The following MIB1 variants were observed in gnomAD, a reference collection of about 807,000 sequenced individuals.
MIB1 encodes the protein E3 ubiquitin-protein ligase MIB1.
A neutral mutation model predicts 124.5 loss-of-function variants in MIB1; 278 were observed. The ratio of observed to expected loss-of-function variants is 2.23; its 90% CI spans 2.02 to 2.47. The LOEUF (loss-of-function observed/expected upper bound fraction) is 2.47, where lower values mean the gene tolerates loss of function less well. Among genes scored for constraint, MIB1 ranks in the 30% most tolerant of loss-of-function variants. MIB1 has a pLI of 0.00. For synonymous variants in MIB1, 446 were observed against 429.4 expected, an observed-to-expected ratio of 1.04 and a Z score of -0.48; for missense variants, 957 against 1,254.4, an observed-to-expected ratio of 0.76 and a Z score of 3.58.
rs772123176 is a variant in MIB1 at position 21,843,134 on chromosome 18, A to G, written c.1966A>G (p.Asn656Asp). The change falls in exon 14 of 21, where the codon AAT (asparagine) becomes GAT (aspartate). Residue 656 changes from asparagine to aspartate, a missense_variant. By Grantham distance (23) the Asn-to-Asp change is conservative (BLOSUM62 1). Coordinates refer to ENST00000261537, the MANE Select transcript of MIB1 (RefSeq NM_020774.4). ...AACATTTGTTCTTCTCGTTCAGGGT[A>G]ATGCAAACCTGGATATCCAGAATGT... Reference protein sequence around the residue: ...EVAELLVHQGNANLDIQNVNQ... With the variant: ...EVAELLVHQGDANLDIQNVNQ... The G allele has an allele frequency of 3.7e-6, 6 of 1,601,778 alleles. No homozygotes were observed. In the East Asian group the frequency reaches 1.1e-4, roughly 30 times the overall value.
intron 20 of MIB1, among the ~76,000 whole-genome samples, chr18:21,862,856 T>C (rs2042288221): frequency 6.6e-6 from 1 of 152,230 alleles, no homozygotes; most frequent in South Asian, 2.1e-4. Flanking sequence ...GCACCATGTA[T>C]TGCATGATAC....
chr18:21,767,407 G>A (rs911127607), intron 2 of MIB1, among the ~76,000 whole-genome samples: 5 of 152,000 alleles, frequency 3.3e-5, no homozygotes, highest in South Asian at 2.1e-4. Context: ...GGAGGTAACC[G>A]CCCCCATGAT....
At chr18:21,736,604 A>T (rs2040798007), upstream of MIB1, among the ~76,000 whole-genome samples, 1 of 152,228 alleles carries the variant, frequency 6.6e-6, no homozygotes, top group Admixed American at 6.5e-5. Flanking sequence ...AATGCAAGGA[A>T]GCTAGGAAAC....
At chr18:21,817,402 G>A (rs904220888) in intron 11 of MIB1, among the ~76,000 whole-genome samples, 1 of 152,040 alleles carries the variant, frequency 6.6e-6, no homozygotes, top group Non-Finnish European at 1.5e-5. Flanking sequence ...TGGGATTACC[G>A]GTGTGAGCCA....
At chr18:21,820,250 T>C (rs1000594966) in intron 12 of MIB1, among the ~76,000 whole-genome samples, 3 of 152,234 alleles carry the variant, frequency 2.0e-5, no homozygotes, top group Non-Finnish European at 2.9e-5. Context: ...GAGATTTCCA[T>C]TAACTCACTT....
intron 4 of MIB1, among the ~76,000 whole-genome samples, chr18:21,775,417 T>A (rs1252250464): frequency 6.6e-6 from 1 of 152,054 alleles, no homozygotes; most frequent in Non-Finnish European, 1.5e-5. Flanking sequence ...TATTAAAAAA[T>A]TTTTAGTAGA....
chr18:21,723,964 A>G (rs1213022800), intron 1 of MIB1, among the ~76,000 whole-genome samples: 1 of 152,088 alleles, frequency 6.6e-6, no homozygotes. Context: ...TTGGCCTCCC[A>G]AAGTGCTGGG....
chr18:21,776,404 T>C (rs2041287730), intron 4 of MIB1, among the ~76,000 whole-genome samples: 1 of 152,122 alleles, frequency 6.6e-6, no homozygotes. Flanking sequence ...TGCATGTGCA[T>C]ACCTGCAGGT....
chr18:21,722,393 A>G (rs1204775023), intron 1 of MIB1, among the ~76,000 whole-genome samples: 1 of 130,438 alleles, frequency 7.7e-6, no homozygotes, highest in African/African-American at 2.9e-5. Context: ...TTATTTTGAG[A>G]TGGAGTTTGC....
intron 1 of MIB1, among the ~76,000 whole-genome samples, chr18:21,718,362 C>T (rs1042873907): frequency 1.3e-5 from 2 of 152,156 alleles, no homozygotes; most frequent in African/African-American, 4.8e-5. Context: ...TGTAACCAAA[C>T]ACCACCTGTT....
intron 17 of MIB1, among the ~76,000 whole-genome samples, chr18:21,849,931 G>A (rs749080399): frequency 7.9e-5 from 12 of 152,086 alleles, no homozygotes; most frequent in Non-Finnish European, 1.8e-4. Context: ...CCTGTAAGCT[G>A]GAAGTTAGAT....
rs2042341515 is a variant in MIB1 at position 21,869,478 on chromosome 18, CTTTAGTGCACGTGTATCA to C, written c.*4815_*4832del. On this transcript the variant is annotated 3_prime_UTR_variant, in exon 21 of 21. Transcript: ENST00000261537. ...CTATTAAAACTTTATAAAAGATGGT[CTTTAGTGCACGTGTATCA>C]TTATATACACGTTTTAAAGTCATAT... 1 of 152,330 alleles carries C rather than the reference CTTTAGTGCACGTGTATCA, an allele frequency of 6.6e-6. No homozygotes were observed. Among genetic ancestry groups the C allele is most frequent in the Admixed American group, 6.5e-5 (1 of 15,270 alleles). The allele number at this position is 152,330 out of a possible 1,614,324, so 9.4% of individuals were successfully genotyped here. A position where few individuals can be genotyped will look rare whatever the true frequency, so the allele number is the denominator to read the frequency against.
intron 13 of MIB1, among the ~76,000 whole-genome samples, chr18:21,841,933 C>A: frequency 6.6e-6 from 1 of 150,804 alleles, no homozygotes; most frequent in Non-Finnish European, 1.5e-5. Context: ...AAGAAAAATC[C>A]CCATTGTGCA....
chr18:21,778,237 A>C, intron 5 of MIB1, 68 bp downstream of exon 5: 1 of 1,130,872 alleles, frequency 8.8e-7, no homozygotes, highest in Non-Finnish European at 1.3e-6. Context: ...TAAAATGCTT[A>C]AATTGGATGT....
At chr18:21,815,988 T>C (rs2041827181) in intron 11 of MIB1, among the ~76,000 whole-genome samples, 175 bp downstream of exon 11, 1 of 152,214 alleles carries the variant, frequency 6.6e-6, no homozygotes, top group South Asian at 2.1e-4. Flanking sequence ...AAAGTTGTTT[T>C]TTTTTAGGGA....
intron 1 of MIB1, among the ~76,000 whole-genome samples, chr18:21,724,725 AAAATATAT>A (rs1356835386): frequency 4.0e-4 from 17 of 42,828 alleles, no homozygotes; most frequent in South Asian, 8.5e-4. Context: ...AAAAAAAAAA[AAAATATAT>A]ATATATATAT....
intron 2 of MIB1, among the ~76,000 whole-genome samples, chr18:21,768,416 T>A (rs2041188567): frequency 6.6e-6 from 1 of 152,226 alleles, no homozygotes; most frequent in South Asian, 2.1e-4. Context: ...AAAAGTTAGC[T>A]GTGATTATTA....
At chr18:21,801,435 T>G (rs867792692) in intron 9 of MIB1, among the ~76,000 whole-genome samples, 3 of 152,142 alleles carry the variant, frequency 2.0e-5, no homozygotes, top group South Asian at 2.1e-4. Flanking sequence ...GTATATTAGA[T>G]TATGTTTTCC....
In MIB1 at chr18:21,715,843, G is replaced by T. The variant is rs185114425; in HGVS notation, n.167+10720G>T. Among the ~76,000 whole-genome samples the T allele has an allele frequency of 3.4e-3, 524 of 152,140 alleles. 3 individuals are homozygous for T. The highest frequency in any genetic ancestry group is 3.4e-3 in the Admixed American group (52 of 15,260). On this transcript the variant is annotated intron_variant and non_coding_transcript_variant, in intron 1 of 20. Coordinates refer to the MIB1 transcript ENST00000578646. ...AAAAGAATAAGAAAATATGAACAAAGCCTCTAAGAAATCTGAGATTATATT... is the reference window on the plus strand; with the variant it reads ...AAAAGAATAAGAAAATATGAACAAATCCTCTAAGAAATCTGAGATTATATT...
Sources: gnomAD v4.1 joint callset for allele counts (sites outside exome capture counted in the v4.1 genomes callset) on GRCh38, gnomAD v4.1.1 for gene constraint, MANE v1.5 for transcripts, NCBI Gene and HGNC (gene_info 2026-07-23, HGNC 2026-07-21) for gene names.